Variants in CDC14A observed in about 807,000 individuals in gnomAD.
The protein encoded by CDC14A is cell division cycle 14A.
In CDC14A, 53 loss-of-function variants were observed where a neutral mutation model predicts 74.4. The ratio of observed to expected loss-of-function variants is 0.71; its 90% CI spans 0.57 to 0.89. The LOEUF is 0.89. CDC14A is among the 40% of genes least tolerant of loss of function. CDC14A has a pLI of 0.00. For synonymous variants in CDC14A, 247 were observed against 258.4 expected, an observed-to-expected ratio of 0.96 and a Z score of 0.43; for missense variants, 646 against 713.7, an observed-to-expected ratio of 0.91 and a Z score of 1.08.
intron 4 of CDC14A, among the ~76,000 whole-genome samples, chr1:100,411,251 A>AAGTAT (rs1660664388): frequency 6.6e-6 from 1 of 152,132 alleles, no homozygotes; most frequent in Non-Finnish European, 1.5e-5. Flanking sequence ...CCATAGTGCA[A>AAGTAT]GGGAACACTG....
chr1:100,474,235 T>G (rs1668670436), intron 10 of CDC14A, among the ~76,000 whole-genome samples: 1 of 152,216 alleles, frequency 6.6e-6, no homozygotes, highest in Admixed American at 6.5e-5. Flanking sequence ...TATATATTGC[T>G]GAACTCTGTT....
upstream of CDC14A, among the ~76,000 whole-genome samples, chr1:100,349,431 G>A (rs2100860633): frequency 6.6e-6 from 1 of 152,264 alleles, no homozygotes; most frequent in South Asian, 2.1e-4. Flanking sequence ...GACTGTAAAA[G>A]TATGCCTTTA....
At chr1:100,377,933 A>C (rs1382714895) in intron 3 of CDC14A, among the ~76,000 whole-genome samples, 1 of 152,146 alleles carries the variant, frequency 6.6e-6, no homozygotes, top group Admixed American at 6.5e-5. Context: ...TCCTAGGATA[A>C]TTTTTCTGAA....
chr1:100,484,976 A>C, intron 11 of CDC14A: 1 of 977,802 alleles, frequency 1.0e-6, no homozygotes, highest in Non-Finnish European at 1.2e-6. Flanking sequence ...AGGTAATACT[A>C]TCTCTATTTT....
rs1557826259 is a variant in CDC14A at position 100,494,839 on chromosome 1, G to A, written c.1159G>A (p.Val387Met). ...CCAGGATAACTTAGAAGATGATGAT[G>A]TGGAAATGAAAAATGGTATAACCCA... ...FGEDNLEDDD[V>M]EMKNGITQGD... The change falls in exon 12 of 16, where the codon GTG becomes ATG. Residue 387 changes from valine to methionine, a missense_variant. Coordinates refer to ENST00000336454, the MANE Select transcript of CDC14A (RefSeq NM_003672.4). The A allele has an allele frequency of 3.1e-6, 5 of 1,611,028 alleles. No homozygotes were observed. The highest frequency in any genetic ancestry group is 4.2e-6 in the Non-Finnish European group (5 of 1,177,672).
intron 4 of CDC14A, among the ~76,000 whole-genome samples, chr1:100,412,738 T>TATATAAAATATATATATA: frequency 1.0e-5 from 1 of 97,412 alleles, no homozygotes; most frequent in African/African-American, 6.8e-5. Flanking sequence ...TATATATATA[T>TATATAAAATATATATATA]TTTATATATA....
intron 7 of CDC14A, among the ~76,000 whole-genome samples, chr1:100,448,965 A>T (rs1665842969): frequency 6.6e-6 from 1 of 152,120 alleles, no homozygotes; most frequent in Admixed American, 6.5e-5. Context: ...GCCATATTTG[A>T]GTCTTGCTTC....
chr1:100,506,628 A>G (rs935318942), intron 15 of CDC14A, among the ~76,000 whole-genome samples: 2 of 152,174 alleles, frequency 1.3e-5, no homozygotes, highest in Non-Finnish European at 2.9e-5. Flanking sequence ...GCTGTTTTTG[A>G]CTGTACATTT....
intron 3 of CDC14A, among the ~76,000 whole-genome samples, chr1:100,387,799 T>C (rs1264192245): frequency 2.0e-5 from 3 of 152,316 alleles, no homozygotes; most frequent in Admixed American, 6.5e-5. Flanking sequence ...CTCTGTATTC[T>C]ATATACTTTA....
In CDC14A at chr1:100,518,435, T is replaced by C. The variant is rs1472448229; in HGVS notation, c.*155T>C. 1 of 588,546 alleles carries C rather than the reference T, an allele frequency of 1.7e-6. No homozygotes were observed. Among genetic ancestry groups the C allele is most frequent in the Non-Finnish European group, 3.1e-6 (1 of 327,586 alleles). 36.5% of individuals were successfully genotyped at this position (588,546 alleles called of 1,614,324 possible). ...CACTAAGATAACACCTTCAAGAGAC[T>C]TGAAAACAGAAAACTGGTTAATGAC... On this transcript the variant is annotated 3_prime_UTR_variant, in exon 16 of 16. Coordinates refer to ENST00000336454, the MANE Select transcript of CDC14A (RefSeq NM_003672.4).
At chr1:100,421,034 G>C (rs969619543) in intron 4 of CDC14A, among the ~76,000 whole-genome samples, 8 of 152,190 alleles carry the variant, frequency 5.3e-5, no homozygotes, top group African/African-American at 1.7e-4. Context: ...ATGGTTTCTA[G>C]GACTTCTTGG....
chr1:100,381,458 T>C (rs1656086082), intron 3 of CDC14A, among the ~76,000 whole-genome samples: 1 of 152,212 alleles, frequency 6.6e-6, no homozygotes, highest in South Asian at 2.1e-4. Context: ...TTAGGCACAT[T>C]TCATTTTTTA....
At chr1:100,501,259 A>T (rs976441925) in intron 15 of CDC14A, among the ~76,000 whole-genome samples, 7 of 152,192 alleles carry the variant, frequency 4.6e-5, no homozygotes, top group African/African-American at 1.4e-4. Flanking sequence ...ATTTTCACAT[A>T]CCGATTGTGG....
At chr1:100,443,068 G>A in intron 7 of CDC14A, 72 bp downstream of exon 7, 1 of 1,002,302 alleles carries the variant, frequency 1.0e-6, no homozygotes, top group South Asian at 1.3e-5. Context: ...TCACACTCAT[G>A]TATTGCAAAT....
intron 4 of CDC14A, among the ~76,000 whole-genome samples, chr1:100,398,279 T>C (rs1358474887): frequency 2.0e-5 from 3 of 152,178 alleles, no homozygotes; most frequent in Non-Finnish European, 4.4e-5. Context: ...TCCTACTTCC[T>C]ATCACTCACT....
chr1:100,391,588 A>G (rs1657704847), intron 4 of CDC14A, among the ~76,000 whole-genome samples: 1 of 152,174 alleles, frequency 6.6e-6, no homozygotes, highest in Non-Finnish European at 1.5e-5. Flanking sequence ...GCAGAGAGGT[A>G]TCATTTCCCC....
chr1:100,500,649 A>G (rs1027262020), intron 15 of CDC14A, among the ~76,000 whole-genome samples: 3 of 149,600 alleles, frequency 2.0e-5, no homozygotes, highest in Admixed American at 6.7e-5. Context: ...CCCAGCTACC[A>G]TAAGGCAGGA....
rs747353090 is a variant in CDC14A, at chr1:100,499,220, G to A, written c.1713G>A (p.Gly571=). 1.2e-6 allele frequency: 2 copies of A among 1,614,134 alleles called. No individual in the cohort carries two copies. Among genetic ancestry groups the A allele is most frequent in the South Asian group, 1.1e-5 (1 of 91,082 alleles). ...CCATCCTCCGACCCTCCTACACCGG[G>A]CTTTCTTCTTCTTCAGCGAGATTCC... ...HTTILRPSYT[G]LSSSSARFLS... The change falls in exon 15 of 16, where the codon GGG becomes GGA. Residue 571 remains glycine, a synonymous_variant. Transcript: ENST00000336454.
intron 8 of CDC14A, chr1:100,462,355 T>C: frequency 2.7e-6 from 1 of 374,558 alleles, no homozygotes; most frequent in Non-Finnish European, 5.0e-6. Context: ...TCAAGAATGC[T>C]TTTGTCTTGG....
Sources: gnomAD v4.1 joint callset for allele counts (sites outside exome capture counted in the v4.1 genomes callset) on GRCh38, gnomAD v4.1.1 for gene constraint, MANE v1.5 for transcripts, NCBI Gene and HGNC (gene_info 2026-07-23, HGNC 2026-07-21) for gene names.